ARHGAP10: variants seen among roughly 807,000 people sequenced by gnomAD.
The protein encoded by ARHGAP10 is Rho GTPase activating protein 10.
ARHGAP10 carries 87 observed loss-of-function variants against 108.6 expected under a neutral mutation model. That is an observed-to-expected ratio of 0.80 (90% CI 0.67 to 0.96). The LOEUF is 0.96. Among genes scored for constraint, ARHGAP10 ranks in the 40% least tolerant of loss-of-function variants. ARHGAP10 has a pLI of 0.00. For missense variants in ARHGAP10, 939 were observed against 954.5 expected (o/e 0.98, Z 0.21); for synonymous variants, 347 against 341.1 (o/e 1.02, Z -0.19).
At chr4:147,999,062 T>C (rs1578774617) in intron 18 of ARHGAP10, among the ~76,000 whole-genome samples, 1 of 152,160 alleles carries the variant, frequency 6.6e-6, no homozygotes, top group Non-Finnish European at 1.5e-5. Context: ...TATGCTAACA[T>C]TGAGAGACAG....
intron 20 of ARHGAP10, among the ~76,000 whole-genome samples, chr4:148,048,040 C>T (rs1277840018): frequency 6.6e-6 from 1 of 152,298 alleles, no homozygotes; most frequent in Non-Finnish European, 1.5e-5. Context: ...CCAGGCTGGT[C>T]TCAGACTCCT....
At chr4:148,009,894 G>A (rs960183017) in intron 18 of ARHGAP10, among the ~76,000 whole-genome samples, 2 of 152,166 alleles carry the variant, frequency 1.3e-5, no homozygotes, top group African/African-American at 2.4e-5. Context: ...TATTCAGAAC[G>A]TTGTGAAGGC....
chr4:147,936,794 G>A (rs1344418915), intron 13 of ARHGAP10, among the ~76,000 whole-genome samples: 31 of 152,158 alleles, frequency 2.0e-4, no homozygotes, highest in Admixed American at 2.0e-3. Flanking sequence ...GCTTGCTTGG[G>A]CTGCCATAAT....
chr4:147,882,072 A>G, intron 10 of ARHGAP10, 140 bp downstream of exon 10: 2 of 773,694 alleles, frequency 2.6e-6, no homozygotes, highest in South Asian at 1.7e-5. Context: ...TGTGTTCATT[A>G]TAAGCTGTTT....
intron 20 of ARHGAP10, among the ~76,000 whole-genome samples, chr4:148,056,340 T>C (rs1221907553): frequency 2.0e-5 from 3 of 152,184 alleles, no homozygotes; most frequent in African/African-American, 7.2e-5. Flanking sequence ...ACCAGACATT[T>C]TCCCTATGGG....
chr4:147,740,036 T>C lies in ARHGAP10; in HGVS notation c.154+7581T>C, dbSNP rs931556408. 3.4e-5 allele frequency among the ~76,000 whole-genome samples: 5 copies of C among 148,846 alleles called. No homozygotes were observed. In the South Asian group the frequency reaches 6.4e-4, roughly 19 times the overall value. On this transcript the variant is annotated intron_variant, in intron 1 of 22. Coordinates refer to ENST00000336498, the MANE Select transcript of ARHGAP10 (RefSeq NM_024605.4). ...CAGGTGTGAGCCACTGCGTCTGGCC[T>C]TACTGGGTTACTTTTTTTTTTTTTT...
rs1450785089 is a variant in ARHGAP10, at chr4:147,751,713, G to T, written c.154+19258G>T. ...ACTTGTGTTTCAGAGACTGTGCCCA[G>T]TGTTTTCACAGGAGTTAGCATTTCT... On this transcript the variant is annotated intron_variant, in intron 1 of 22. Transcript: ENST00000336498. Among the ~76,000 whole-genome samples, 5 of 142,044 alleles carry T rather than the reference G, an allele frequency of 3.5e-5. No homozygotes were observed. The South Asian group carries it at 6.2e-4, about 18-fold the overall frequency. 93.2% of individuals were successfully genotyped at this position (142,044 alleles called of 152,430 possible).
In ARHGAP10 at chr4:147,887,542, A is replaced by G. The variant is rs919395543; in HGVS notation, c.1034+5610A>G. ...ACTCCTATAAACATAACAATTCTTC[A>G]AAAAGCTATCATATTTATGGTCTCA... On this transcript the variant is annotated intron_variant, in intron 10 of 22. Coordinates refer to ENST00000336498, the MANE Select transcript of ARHGAP10 (RefSeq NM_024605.4). Among the ~76,000 whole-genome samples the G allele has an allele frequency of 4.5e-4, 68 of 152,210 alleles. 1 individual carries two copies. The highest frequency in any genetic ancestry group is 1.5e-3 in the African/African-American group (62 of 41,540).
intron 16 of ARHGAP10, among the ~76,000 whole-genome samples, chr4:147,960,870 G>C (rs1026510981): frequency 6.6e-6 from 1 of 152,198 alleles, no homozygotes; most frequent in Non-Finnish European, 1.5e-5. Flanking sequence ...CATTTTGTGA[G>C]ATTCATCTCT....
chr4:147,935,924 G>A (rs1737912757), intron 13 of ARHGAP10, among the ~76,000 whole-genome samples: 1 of 152,120 alleles, frequency 6.6e-6, no homozygotes, highest in Non-Finnish European at 1.5e-5. Context: ...ACTTCTCTCA[G>A]GTTGATGAAT....
At chr4:147,738,447 G>A (rs1728508704) in intron 1 of ARHGAP10, among the ~76,000 whole-genome samples, 1 of 152,090 alleles carries the variant, frequency 6.6e-6, no homozygotes, top group South Asian at 2.1e-4. Flanking sequence ...CAGCTACTCG[G>A]GAGGCTGAGG....
At chr4:147,766,652 A>C (rs1347622307) in intron 1 of ARHGAP10, among the ~76,000 whole-genome samples, 4 of 138,852 alleles carry the variant, frequency 2.9e-5, no homozygotes, top group African/African-American at 5.2e-5. Context: ...ACACCCACCC[A>C]CACACACCCA....
intron 20 of ARHGAP10, among the ~76,000 whole-genome samples, chr4:148,054,483 A>G (rs2149684933): frequency 6.6e-6 from 1 of 152,180 alleles, no homozygotes; most frequent in East Asian, 1.9e-4. Flanking sequence ...CTGAGAATGT[A>G]GTTTAATATT....
intron 10 of ARHGAP10, among the ~76,000 whole-genome samples, chr4:147,884,985 G>C (rs1178899268): frequency 6.6e-6 from 1 of 152,174 alleles, no homozygotes; most frequent in Non-Finnish European, 1.5e-5. Flanking sequence ...TTAAGGACAG[G>C]GTGAGAGGGC....
intron 16 of ARHGAP10, among the ~76,000 whole-genome samples, chr4:147,959,697 G>A (rs74673387): frequency 0.063 from 9,516 of 152,106 alleles, 625 homozygotes; most frequent in African/African-American, 0.16. Flanking sequence ...GGACATGAAC[G>A]CATCCTTTTT....
chr4:147,888,205 C>CT (rs1246633046), intron 10 of ARHGAP10, among the ~76,000 whole-genome samples: 1 of 152,206 alleles, frequency 6.6e-6, no homozygotes, highest in Non-Finnish European at 1.5e-5. Context: ...TTCACTCACA[C>CT]TTTTTTATGA....
At chr4:147,949,226 T>C (rs1438577817) in intron 15 of ARHGAP10, among the ~76,000 whole-genome samples, 1 of 152,234 alleles carries the variant, frequency 6.6e-6, no homozygotes, top group Non-Finnish European at 1.5e-5. Flanking sequence ...AAGGGATGTA[T>C]ACTTATATCA....
Position 147,913,139 on chromosome 4 carries a change from G to C in ARHGAP10, c.1228G>C (p.Gly410Arg). 1 of 1,612,890 alleles carries C rather than the reference G, an allele frequency of 6.2e-7. No homozygotes were observed. The highest frequency in any genetic ancestry group is 2.2e-5 in the East Asian group (1 of 44,808). The change falls in exon 13 of 23, where the codon GGT (glycine) becomes CGT (arginine). Residue 410 changes from glycine to arginine, a missense_variant and splice_region_variant. Gly to Arg is a moderately radical substitution (Grantham distance 125). Coordinates refer to ENST00000336498, the MANE Select transcript of ARHGAP10 (RefSeq NM_024605.4). ...ATGCATCAGTGCCGTTGAAACACGAGGTAATATGATTGAATCATTTCATTC... is the reference window on the plus strand; with the variant it reads ...ATGCATCAGTGCCGTTGAAACACGACGTAATATGATTGAATCATTTCATTC... ...RKCISAVETR[G>R]INDQGLYRVV...
intron 4 of ARHGAP10, among the ~76,000 whole-genome samples, chr4:147,856,939 G>A (rs955992821): frequency 1.3e-5 from 2 of 152,142 alleles, no homozygotes; most frequent in African/African-American, 2.4e-5. Flanking sequence ...TGCAACCTCC[G>A]CCTCTGGGGT....
Sources: allele counts gnomAD v4.1 joint callset (sites outside exome capture counted in the v4.1 genomes callset), GRCh38; gene constraint gnomAD v4.1.1; transcripts MANE v1.5; gene names NCBI Gene and HGNC (gene_info 2026-07-23, HGNC 2026-07-21).